The following CPZ variants were observed in gnomAD, a reference collection of about 807,000 sequenced individuals.
The protein encoded by CPZ is VEZT/CPZ fusion.
A neutral mutation model predicts 61.8 loss-of-function variants in CPZ; 103 were observed. The observed-to-expected ratio is 1.67, with a 90% CI of 1.42 to 1.96. CPZ has a LOEUF of 1.96. Among genes scored for constraint, CPZ ranks in the 30% most tolerant of loss-of-function variants. CPZ has a pLI of 0.00. For synonymous variants in CPZ, 551 were observed against 373.7 expected, an observed-to-expected ratio of 1.47 and a Z score of -5.47; for missense variants, 1,461 against 914.9, an observed-to-expected ratio of 1.60 and a Z score of -7.70.
chr4:8,611,269 GGTCA>G (rs1715651529), intron 7 of CPZ: 3 of 456,260 alleles, frequency 6.6e-6, no homozygotes, highest in African/African-American at 2.0e-5. Flanking sequence ...CTCTGCCCAA[GGTCA>G]GTCTGGGACT....
At chr4:8,608,163 G>C (rs977709646) in intron 7 of CPZ, among the ~76,000 whole-genome samples, 5 of 89,742 alleles carry the variant, frequency 5.6e-5, no homozygotes, top group Non-Finnish European at 9.9e-5. Flanking sequence ...GCCCCCAGCT[G>C]CGGATCCTGG....
At chr4:8,605,954 G>C (rs1391263259) in intron 4 of CPZ, 35 bp from the exon 5 acceptor site, 4 of 1,592,418 alleles carry the variant, frequency 2.5e-6, no homozygotes, top group Admixed American at 1.7e-5. Flanking sequence ...CCCCGGCTTT[G>C]AGATGATGCC....
chr4:8,605,599 C>CATCCATCCATCCATCATTGATAT (rs1560294146), intron 4 of CPZ, among the ~76,000 whole-genome samples: 5 of 89,200 alleles, frequency 5.6e-5, no homozygotes, highest in Admixed American at 1.1e-4. Context: ...AGCCATTATT[C>CATCCATCCATCCATCATTGATAT]ATCCATCCAT....
At chr4:8,610,076 A>G (rs1442997584) in intron 7 of CPZ, among the ~76,000 whole-genome samples, 1 of 152,176 alleles carries the variant, frequency 6.6e-6, no homozygotes, top group African/African-American at 2.4e-5. Flanking sequence ...TGGCTTTGCC[A>G]ACGCTTGCTG....
rs753825431 is a variant in CPZ, at chr4:8,607,307, C to T, written c.1109C>T (p.Thr370Ile). The T allele has an allele frequency of 2.5e-6, 4 of 1,614,124 alleles. No homozygotes were observed. The highest frequency in any genetic ancestry group is 3.4e-6 in the Non-Finnish European group (4 of 1,179,984). ...AAGGCAATCATGAAGTGGATGCAGA[C>T]CATACCCTTTGTGCTCTCAGCCAGC... ...ETKAIMKWMQ[T>I]IPFVLSASLH... is the part of the protein sequence containing the mutation. The change falls in exon 7 of 11, where the codon ACC becomes ATC. Residue 370 changes from threonine (T) to isoleucine (I), a missense_variant. Coordinates refer to ENST00000360986, the MANE Select transcript of CPZ (RefSeq NM_001014447.3).
intron 4 of CPZ, among the ~76,000 whole-genome samples, chr4:8,605,634 T>TATCCATCCATCCACCCATCCATCCACCC (rs953384114): frequency 6.7e-6 from 1 of 148,570 alleles, no homozygotes; most frequent in African/African-American, 2.6e-5. Flanking sequence ...ATCATTGATA[T>TATCCATCCATCCACCCATCCATCCACCC]ATCCATTCAT....
intron 1 of CPZ, among the ~76,000 whole-genome samples, chr4:8,593,601 C>T (rs1379812796): frequency 6.6e-6 from 1 of 152,168 alleles, no homozygotes; most frequent in Non-Finnish European, 1.5e-5. Flanking sequence ...GTGCATCTAG[C>T]CAACCGTGCT....
intron 1 of CPZ, among the ~76,000 whole-genome samples, chr4:8,598,020 A>G (rs1303333255): frequency 1.3e-5 from 2 of 152,140 alleles, no homozygotes; most frequent in Non-Finnish European, 2.9e-5. Flanking sequence ...CAGCTTGGAC[A>G]GGGAGGGAGA....
At chr4:8,611,197 T>G (rs1412241506) in intron 7 of CPZ, 3 of 455,618 alleles carry the variant, frequency 6.6e-6, no homozygotes, top group Admixed American at 4.7e-5. Context: ...CCTGTCCTGC[T>G]TGGTGGGGCC....
chr4:8,606,624 C>G (rs1015600469), intron 5 of CPZ, 113 bp from the exon 6 acceptor site: 4 of 1,358,780 alleles, frequency 2.9e-6, no homozygotes, highest in South Asian at 1.3e-5. Flanking sequence ...CACATAAAGC[C>G]GGGGGAAACC....
At chr4:8,616,826 G>A (rs1019036883) in intron 9 of CPZ, among the ~76,000 whole-genome samples, 1 of 152,204 alleles carries the variant, frequency 6.6e-6, no homozygotes, top group East Asian at 1.9e-4. Flanking sequence ...CAGGAGTGCG[G>A]TTCCATTAAG....
intron 9 of CPZ, among the ~76,000 whole-genome samples, chr4:8,617,697 A>T (rs1435282185): frequency 1.3e-5 from 2 of 151,472 alleles, no homozygotes; most frequent in African/African-American, 4.9e-5. Context: ...CGCTGGACGG[A>T]CTCCTCTCCC....
chr4:8,605,904 T>A lies in CPZ; in HGVS notation c.710-85T>A, dbSNP rs1216104793. On this transcript the variant is annotated intron_variant, in intron 4 of 10. Coordinates refer to ENST00000360986, the MANE Select transcript of CPZ (RefSeq NM_001014447.3). ...TATGAATTGGTCCCAGCCCATCTGGTCATTCTTGCTGAGTGGGGGGGCCTC... is the reference window on the plus strand; with the variant it reads ...TATGAATTGGTCCCAGCCCATCTGGACATTCTTGCTGAGTGGGGGGGCCTC... The A allele has an allele frequency of 4.4e-6, 6 of 1,357,988 alleles. No individual in the cohort carries two copies. In the African/African-American group the frequency reaches 8.6e-5, roughly 20 times the overall value. 84.1% of individuals were successfully genotyped at this position (1,357,988 alleles called of 1,614,324 possible).
intron 1 of CPZ, among the ~76,000 whole-genome samples, chr4:8,597,197 C>T (rs930303395): frequency 1.3e-5 from 2 of 152,202 alleles, no homozygotes; most frequent in South Asian, 2.1e-4. Context: ...CAGCTTTGCA[C>T]ACCGGTGCTC....
chr4:8,593,419 C>A (rs1713944944), intron 1 of CPZ, among the ~76,000 whole-genome samples: 1 of 152,146 alleles, frequency 6.6e-6, no homozygotes, highest in Non-Finnish European at 1.5e-5. Flanking sequence ...GGGCGTGGGC[C>A]CCCTGGAGGG....
intron 7 of CPZ, chr4:8,611,350 G>A (rs570444452): frequency 5.0e-5 from 22 of 442,788 alleles, no homozygotes; most frequent in Middle Eastern, 7.7e-4. Context: ...GGCACAATGC[G>A]GGGAAGCTCT....
At position 8,608,641 on chromosome 4, in the gene CPZ, C is replaced by CGTGTGTGTGTGTGTATGCTT. The variant is rs57341669; in HGVS notation, c.1227+1223_1227+1224insTGTGTGTATGCTTGTGTGTG. ...GGGCTGCAGGAGGGCTGTGAGTGCACGTGTGTGCGTGTGCATGCATGTGCA... is the reference window on the plus strand; with the variant it reads ...GGGCTGCAGGAGGGCTGTGAGTGCACGTGTGTGTGTGTGTATGCTTGTGTGTGCGTGTGCATGCATGTGCA... On this transcript the variant is annotated intron_variant, in intron 7 of 10. Coordinates refer to ENST00000360986, the MANE Select transcript of CPZ (RefSeq NM_001014447.3). 1.8e-3 allele frequency among the ~76,000 whole-genome samples: 271 copies of CGTGTGTGTGTGTGTATGCTT among 151,536 alleles called. 1 individual carries two copies. The highest frequency in any genetic ancestry group is 6.2e-3 in the African/African-American group (254 of 41,276).
At chr4:8,600,933 G>A (rs1714526054) in intron 2 of CPZ, 190 bp from the exon 3 acceptor site, 2 of 1,342,446 alleles carry the variant, frequency 1.5e-6, no homozygotes, top group Non-Finnish European at 1.9e-6. Flanking sequence ...GTTGGTCTTA[G>A]GCTCCTCCTC....
At chr4:8,600,970 C>T (rs550555660) in intron 2 of CPZ, 153 bp from the exon 3 acceptor site, 12 of 1,402,490 alleles carry the variant, frequency 8.6e-6, no homozygotes, top group African/African-American at 5.8e-5. Context: ...CTGATTCCTG[C>T]ACAGTAGCTG....
Sources: allele counts gnomAD v4.1 joint callset (sites outside exome capture counted in the v4.1 genomes callset), GRCh38; gene constraint gnomAD v4.1.1; transcripts MANE v1.5; gene names NCBI Gene and HGNC (gene_info 2026-07-23, HGNC 2026-07-21).